SLIT1: variants seen among roughly 807,000 people sequenced by gnomAD.
SLIT1 encodes slit guidance ligand 1.
Under a neutral mutation model 186.1 loss-of-function variants are expected in SLIT1, and 66 were observed. The ratio of observed to expected loss-of-function variants is 0.35; its 90% CI spans 0.29 to 0.44. The LOEUF (loss-of-function observed/expected upper bound fraction) is 0.44. Ranked by LOEUF, SLIT1 falls within the 20% of genes least tolerant of loss-of-function variation. SLIT1 has a pLI of 1.00. For synonymous variants in SLIT1, 761 were observed against 833.8 expected (o/e 0.91, Z 1.50); for missense variants, 1,638 against 2,037.4 (o/e 0.80, Z 3.77).
intron 13 of SLIT1, among the ~76,000 whole-genome samples, chr10:97,052,211 C>T (rs1385994457): frequency 2.6e-5 from 4 of 151,702 alleles, no homozygotes; most frequent in African/African-American, 7.3e-5. Context: ...ATCCTCCCAC[C>T]TCAGCCTCTT....
At chr10:97,059,369 C>T in intron 11 of SLIT1, 91 bp downstream of exon 11, 1 of 1,049,492 alleles carries the variant, frequency 9.5e-7, no homozygotes, top group Non-Finnish European at 1.5e-6. Flanking sequence ...TAGCCCTGCT[C>T]CTCCTCCTGC....
chr10:97,128,541 A>C (rs1289064103), intron 4 of SLIT1, among the ~76,000 whole-genome samples: 1 of 152,182 alleles, frequency 6.6e-6, no homozygotes, highest in East Asian at 1.9e-4. Flanking sequence ...CTCTGGGAGC[A>C]GGAGTTTAAC....
intron 22 of SLIT1, among the ~76,000 whole-genome samples, chr10:97,036,078 G>A (rs1848636067): frequency 6.6e-6 from 1 of 152,084 alleles, no homozygotes; most frequent in South Asian, 2.1e-4. Context: ...CCATGACTTC[G>A]GGGCCTTCAC....
intron 11 of SLIT1, among the ~76,000 whole-genome samples, chr10:97,058,303 C>T (rs1848860090): frequency 1.3e-5 from 2 of 152,188 alleles, no homozygotes; most frequent in Non-Finnish European, 1.5e-5. Context: ...ATGGGGTGTA[C>T]TGGAATCATC....
chr10:97,077,719 T>G (rs1849058964), intron 4 of SLIT1, among the ~76,000 whole-genome samples: 2 of 152,174 alleles, frequency 1.3e-5, no homozygotes, highest in African/African-American at 4.8e-5. Flanking sequence ...CTGCTCCCTC[T>G]CCTTTACCAC....
Position 97,047,871 on chromosome 10 carries a change from C to T in SLIT1, c.1490-37G>A, listed in dbSNP as rs1255744848. The T allele has an allele frequency of 3.7e-6, 6 of 1,613,136 alleles. No individual in the cohort carries two copies. In the Admixed American group the frequency reaches 8.3e-5, roughly 22 times the overall value. ...GGGTGGGGGCAGAGGCTGAGGAGCC[C>T]GGGGCCGGCTCCCAGCAGTTTGGGT... is the stretch of plus-strand genomic sequence containing the variant. On this transcript the variant is annotated intron_variant, in intron 15 of 36. Transcript: ENST00000266058.
chr10:97,007,934 T>C (rs1048815322), intron 31 of SLIT1, among the ~76,000 whole-genome samples: 3 of 144,794 alleles, frequency 2.1e-5, no homozygotes, highest in Non-Finnish European at 4.5e-5. Context: ...CTGGAAGTTC[T>C]AGCCATGGCA....
At chr10:97,052,263 A>ATTTT (rs764811282) in intron 13 of SLIT1, among the ~76,000 whole-genome samples, 2 of 151,948 alleles carry the variant, frequency 1.3e-5, no homozygotes, top group Non-Finnish European at 2.9e-5. Context: ...CACCTGGCTA[A>ATTTT]TTTTTAAGAA....
chr10:97,152,133 A>G (rs986755177), intron 4 of SLIT1, among the ~76,000 whole-genome samples: 3 of 152,144 alleles, frequency 2.0e-5, no homozygotes, highest in Admixed American at 2.0e-4. Context: ...GACAGAAAGC[A>G]TATCTCCCAC....
At chr10:97,041,982 A>G (rs1848694176) in intron 20 of SLIT1, among the ~76,000 whole-genome samples, 1 of 152,020 alleles carries the variant, frequency 6.6e-6, no homozygotes, top group South Asian at 2.1e-4. Context: ...AAGACTTGCA[A>G]GCTATTATTA....
intron 30 of SLIT1, 30 bp from the exon 31 acceptor site, chr10:97,011,160 G>T (rs764239126): frequency 1.9e-6 from 3 of 1,581,938 alleles, no homozygotes; most frequent in African/African-American, 2.7e-5. Context: ...GGTAGTTGGG[G>T]GGTCAGCCAC....
At chr10:97,172,255 AG>A (rs1850200393) in intron 1 of SLIT1, among the ~76,000 whole-genome samples, 1 of 152,074 alleles carries the variant, frequency 6.6e-6, no homozygotes, top group Non-Finnish European at 1.5e-5. Context: ...CATGTTGGCC[AG>A]GCTGATCTCC....
At chr10:97,029,960 A>G (rs926757833) in intron 25 of SLIT1, among the ~76,000 whole-genome samples, 1 of 152,198 alleles carries the variant, frequency 6.6e-6, no homozygotes, top group Admixed American at 6.5e-5. Context: ...CACGCATCGG[A>G]ACTTCATCAT....
Position 97,043,555 on chromosome 10 carries a change from C to A in SLIT1, c.1854-42G>T. 1 of 1,588,468 alleles carries A rather than the reference C, an allele frequency of 6.3e-7. No homozygotes were observed. The highest frequency in any genetic ancestry group is 8.6e-7 in the Non-Finnish European group (1 of 1,163,004). On this transcript the variant is annotated intron_variant, in intron 18 of 36. Transcript: ENST00000266058. The surrounding 1 kb of genome is among the most constrained non-coding windows in gnomAD (Gnocchi z 7.0). ...GAGGGAGGAGGGGACCCTTGCTGCC[C>A]TGCCAGCCATCCACCTGGGCCACGC...
At chr10:97,002,104 A>T in intron 36 of SLIT1, 54 bp downstream of exon 36, 2 of 1,200,308 alleles carry the variant, frequency 1.7e-6, no homozygotes, top group Non-Finnish European at 2.3e-6. Flanking sequence ...TCAAATTGCT[A>T]AAGCAATTTG....
intron 3 of SLIT1, among the ~76,000 whole-genome samples, chr10:97,159,981 C>T (rs963748527): frequency 2.6e-5 from 4 of 152,162 alleles, no homozygotes; most frequent in East Asian, 1.9e-4. Context: ...GTAAGTGACT[C>T]GCCCAAGCCA....
At chr10:97,169,703 G>A (rs2817663) in intron 1 of SLIT1, among the ~76,000 whole-genome samples, 127,856 of 152,192 alleles carry the variant, frequency 0.84, 54,179 homozygotes, top group Non-Finnish European at 0.9. Context: ...TTTTGCCACT[G>A]GAGCCCACAC....
chr10:97,149,482 G>A (rs568232211), intron 4 of SLIT1, among the ~76,000 whole-genome samples: 43 of 152,268 alleles, frequency 2.8e-4, no homozygotes, highest in South Asian at 2.3e-3. Flanking sequence ...CAGAAGCAAA[G>A]AGGAGCTCTA....
At chr10:97,138,652 T>G (rs931281083) in intron 4 of SLIT1, among the ~76,000 whole-genome samples, 87 of 107,028 alleles carry the variant, frequency 8.1e-4, no homozygotes, top group African/African-American at 2.3e-3. Context: ...GGAAACTGTT[T>G]TTTTTTTTTT....
Sources: allele counts gnomAD v4.1 joint callset (sites outside exome capture counted in the v4.1 genomes callset), GRCh38; gene constraint gnomAD v4.1.1; non-coding constraint Gnocchi (gnomAD v3.1); transcripts MANE v1.5; gene names NCBI Gene and HGNC (gene_info 2026-07-23, HGNC 2026-07-21).